The following XKR4 variants were observed in gnomAD, a reference collection of about 807,000 sequenced individuals.
XKR4 encodes XK-related protein 4.
XKR4 carries 12 observed loss-of-function variants against 53.9 expected under a neutral mutation model. That is an observed-to-expected ratio of 0.22 (90% CI 0.14 to 0.36). The LOEUF (loss-of-function observed/expected upper bound fraction) is 0.36. XKR4 is among the 10% of genes least tolerant of loss of function. The probability of loss-of-function intolerance (pLI) is 1.00; values close to 1 mark genes in which losing one functional copy is unlikely to be tolerated. For synonymous variants in XKR4, 354 were observed against 362.4 expected (o/e 0.98, Z 0.26); for missense variants, 799 against 859.5 (o/e 0.93, Z 0.88).
At chr8:55,107,266 A>G (rs1184903000) in intron 1 of XKR4, among the ~76,000 whole-genome samples, 4 of 152,178 alleles carry the variant, frequency 2.6e-5, no homozygotes, top group Non-Finnish European at 5.9e-5. Flanking sequence ...TAACCTCTTA[A>G]TAGGGTCACC....
At chr8:55,417,515 C>A (rs1347738316) in intron 2 of XKR4, among the ~76,000 whole-genome samples, 1 of 152,036 alleles carries the variant, frequency 6.6e-6, no homozygotes, top group Non-Finnish European at 1.5e-5. Context: ...GATTTAGAGG[C>A]CGGAGGAGAA....
At chr8:55,482,554 A>T (rs2975953) in intron 2 of XKR4, among the ~76,000 whole-genome samples, 63,881 of 133,676 alleles carry the variant, frequency 0.48, 14,107 homozygotes, top group East Asian at 0.54. Flanking sequence ...AATAATGATA[A>T]AATTAAAAAT....
intron 2 of XKR4, among the ~76,000 whole-genome samples, chr8:55,409,944 A>T (rs1804750367): frequency 6.6e-6 from 1 of 152,160 alleles, no homozygotes; most frequent in Non-Finnish European, 1.5e-5. Flanking sequence ...AATCTCTTTA[A>T]TTGACTGCTC....
chr8:55,528,528 T>A lies in XKR4; in HGVS notation c.*4301T>A, dbSNP rs762523423. 6.6e-6 allele frequency: 1 copy of A among 152,242 alleles called. No homozygotes were observed. The highest frequency in any genetic ancestry group is 1.5e-5 in the Non-Finnish European group (1 of 68,034). 9.4% of individuals were successfully genotyped at this position (152,242 alleles called of 1,614,324 possible). Reference sequence around the variant, plus strand: ...TATGCTCCCTTGCATTTTCCACATATCTTTGCCATTAGCCATTGCTGTTTC... The same window carrying A: ...TATGCTCCCTTGCATTTTCCACATAACTTTGCCATTAGCCATTGCTGTTTC... On this transcript the variant is annotated 3_prime_UTR_variant, in exon 3 of 3. Coordinates refer to ENST00000327381, the MANE Select transcript of XKR4 (RefSeq NM_052898.2).
At chr8:55,400,272 C>T (rs980679514) in intron 2 of XKR4, among the ~76,000 whole-genome samples, 1 of 152,132 alleles carries the variant, frequency 6.6e-6, no homozygotes, top group Non-Finnish European at 1.5e-5. Context: ...ATTCACATGG[C>T]ACCCCACCAT....
At chr8:55,289,597 G>A (rs1280030222) in intron 1 of XKR4, among the ~76,000 whole-genome samples, 1 of 68,810 alleles carries the variant, frequency 1.5e-5, no homozygotes, top group Non-Finnish European at 2.8e-5. Flanking sequence ...GAAAGAGAAA[G>A]AAAGAAAGAA....
chr8:55,512,163 C>A (rs1210671815), intron 2 of XKR4, among the ~76,000 whole-genome samples: 3 of 152,324 alleles, frequency 2.0e-5, no homozygotes, highest in Middle Eastern at 3.4e-3. Flanking sequence ...TAGAGCTCCA[C>A]AGAAATTGCT....
At chr8:55,212,202 C>A (rs1299620532) in intron 1 of XKR4, among the ~76,000 whole-genome samples, 1 of 151,644 alleles carries the variant, frequency 6.6e-6, no homozygotes, top group African/African-American at 2.4e-5. Flanking sequence ...GCTTCAGAGG[C>A]AATAGATTGT....
At chr8:55,362,846 G>A (rs1314354425) in intron 2 of XKR4, among the ~76,000 whole-genome samples, 1 of 152,206 alleles carries the variant, frequency 6.6e-6, no homozygotes, top group African/African-American at 2.4e-5. Context: ...CTGTATCAGA[G>A]CTCCCTGGGG....
intron 2 of XKR4, among the ~76,000 whole-genome samples, chr8:55,420,731 C>T (rs368149571): frequency 1.4e-3 from 215 of 151,824 alleles, no homozygotes; most frequent in Non-Finnish European, 2.5e-3. Context: ...TACATGTATA[C>T]ATATGTAACT....
intron 2 of XKR4, among the ~76,000 whole-genome samples, chr8:55,490,992 A>T (rs1418527633): frequency 6.6e-6 from 1 of 150,502 alleles, no homozygotes; most frequent in Non-Finnish European, 1.5e-5. Flanking sequence ...CTATTGTTTC[A>T]TAGCTTACTG....
At chr8:55,339,029 A>G (rs959595993) in intron 1 of XKR4, among the ~76,000 whole-genome samples, 1 of 152,230 alleles carries the variant, frequency 6.6e-6, no homozygotes, top group African/African-American at 2.4e-5. Context: ...TTCAGAATGA[A>G]ATAGTATATC....
At chr8:55,377,693 C>G (rs540237893) in intron 2 of XKR4, among the ~76,000 whole-genome samples, 1 of 152,104 alleles carries the variant, frequency 6.6e-6, no homozygotes, top group African/African-American at 2.4e-5. Context: ...CCCAGAACAC[C>G]GTGAGTTGGT....
intron 1 of XKR4, among the ~76,000 whole-genome samples, chr8:55,161,932 T>C (rs548007083): frequency 1.3e-5 from 2 of 152,358 alleles, no homozygotes; most frequent in South Asian, 2.1e-4. Context: ...CAATCTCTGT[T>C]TGCTACCACC....
intron 1 of XKR4, among the ~76,000 whole-genome samples, chr8:55,187,431 A>C (rs1017154467): frequency 2.0e-5 from 3 of 152,146 alleles, no homozygotes; most frequent in Non-Finnish European, 4.4e-5. Context: ...GTTGTAATGA[A>C]TTTGGAAATT....
intron 1 of XKR4, among the ~76,000 whole-genome samples, chr8:55,127,703 G>T (rs1398152511): frequency 6.6e-6 from 1 of 150,550 alleles, no homozygotes; most frequent in Non-Finnish European, 1.5e-5. Context: ...TTTAGCTTAG[G>T]TATATCTCCT....
intron 2 of XKR4, among the ~76,000 whole-genome samples, chr8:55,405,235 C>T (rs541578259): frequency 3.3e-5 from 5 of 152,176 alleles, no homozygotes; most frequent in South Asian, 4.2e-4. Flanking sequence ...ACACATGTAG[C>T]GAAGAATCAG....
At chr8:55,362,420 A>G (rs1408516248) in intron 2 of XKR4, among the ~76,000 whole-genome samples, 1 of 152,216 alleles carries the variant, frequency 6.6e-6, no homozygotes, top group Non-Finnish European at 1.5e-5. Flanking sequence ...GCTTGAGTCC[A>G]TTTGACTGAG....
chr8:55,257,580 G>A (rs1162161136), intron 1 of XKR4, among the ~76,000 whole-genome samples: 4 of 152,100 alleles, frequency 2.6e-5, no homozygotes, highest in South Asian at 2.1e-4. Flanking sequence ...ATAGCAGTAT[G>A]TTTCCTTTCT....
Sources: gnomAD v4.1 joint callset for allele counts (sites outside exome capture counted in the v4.1 genomes callset) on GRCh38, gnomAD v4.1.1 for gene constraint, MANE v1.5 for transcripts, NCBI Gene and HGNC (gene_info 2026-07-23, HGNC 2026-07-21) for gene names.